The following NCKAP5 variants were observed in gnomAD, a reference collection of about 807,000 sequenced individuals.
NCKAP5 encodes nck-associated protein 5.
Under a neutral mutation model 167.0 loss-of-function variants are expected in NCKAP5, and 92 were observed. The observed-to-expected ratio is 0.55, with a 90% CI of 0.47 to 0.66. The LOEUF is 0.66. NCKAP5 is among the 30% of genes least tolerant of loss of function. The probability of loss-of-function intolerance (pLI) is 0.00; values close to 1 mark genes in which losing one functional copy is unlikely to be tolerated. For missense variants in NCKAP5, 2,378 were observed against 2,315.0 expected (o/e 1.03, Z -0.56); for synonymous variants, 891 against 877.4 (o/e 1.02, Z -0.27).
chr2:133,042,243 G>T (rs1224116987), intron 6 of NCKAP5, among the ~76,000 whole-genome samples: 2 of 152,094 alleles, frequency 1.3e-5, no homozygotes, highest in Non-Finnish European at 2.9e-5. Context: ...ACAGTGAAAT[G>T]GCAAGGTATA....
At chr2:133,412,219 C>A (rs1035528081) in intron 3 of NCKAP5, among the ~76,000 whole-genome samples, 4 of 152,160 alleles carry the variant, frequency 2.6e-5, no homozygotes, top group African/African-American at 9.7e-5. Flanking sequence ...TAGAAAGGGA[C>A]CGCAGAGAGC....
intron 3 of NCKAP5, among the ~76,000 whole-genome samples, chr2:133,367,659 T>C (rs1189029097): frequency 1.3e-5 from 2 of 152,060 alleles, no homozygotes; most frequent in Non-Finnish European, 2.9e-5. Flanking sequence ...ATAGTTAATA[T>C]AGAACCTATA....
At chr2:132,914,232 T>C (rs531883571) in intron 8 of NCKAP5, among the ~76,000 whole-genome samples, 1 of 152,298 alleles carries the variant, frequency 6.6e-6, no homozygotes, top group Middle Eastern at 3.4e-3. Context: ...AGAAACTTTA[T>C]AATAAAATTT....
At chr2:133,313,753 TAA>T (rs987258351) in intron 3 of NCKAP5, among the ~76,000 whole-genome samples, 4 of 152,190 alleles carry the variant, frequency 2.6e-5, no homozygotes, top group African/African-American at 9.7e-5. Context: ...TGTATGTTTT[TAA>T]AAAGTCACCA....
intron 11 of NCKAP5, among the ~76,000 whole-genome samples, chr2:132,850,494 T>A (rs1039457514): frequency 6.6e-6 from 1 of 151,918 alleles, no homozygotes; most frequent in South Asian, 2.1e-4. Flanking sequence ...ATCTCCCTGT[T>A]TGTAAAACAG....
intron 8 of NCKAP5, among the ~76,000 whole-genome samples, chr2:132,950,671 C>A (rs72994864): frequency 0.024 from 3,645 of 152,130 alleles, 143 homozygotes; most frequent in African/African-American, 0.082. Context: ...TCCAAGGAAC[C>A]CATTTTATCA....
At chr2:133,122,466 G>A (rs1336903525) in intron 6 of NCKAP5, 1 of 152,086 alleles carries the variant, frequency 6.6e-6, no homozygotes, top group African/African-American at 2.4e-5. Context: ...AACAATTCTG[G>A]TTGTCATAAA....
intron 6 of NCKAP5, among the ~76,000 whole-genome samples, chr2:133,077,306 A>G (rs1006941205): frequency 6.6e-6 from 1 of 152,310 alleles, no homozygotes; most frequent in East Asian, 1.9e-4. Context: ...TGTTTGAGCT[A>G]AGTCCAACTG....
At position 132,784,292 on chromosome 2, in the gene NCKAP5, G is replaced by T. The variant is rs1401077651; in HGVS notation, c.2519C>A (p.Ala840Asp). The T allele has an allele frequency of 6.2e-7, 1 of 1,613,852 alleles. No homozygotes were observed. Among genetic ancestry groups the T allele is most frequent in the Non-Finnish European group, 8.5e-7 (1 of 1,179,840 alleles). ...LVTLEKSPAL[A>D]PGKLSRFMKT... is the part of the protein sequence containing the mutation. ...CATGAATCGTGAGAGTTTCCCAGGAGCTAAGGCTGGTGATTTTTCAAGAGT... is the reference window on the plus strand; with the variant it reads ...CATGAATCGTGAGAGTTTCCCAGGATCTAAGGCTGGTGATTTTTCAAGAGT... The change falls in exon 14 of 20, where the codon GCT becomes GAT. Residue 840 changes from alanine to aspartate, a missense_variant. Physicochemically the swap from Ala to Asp is moderately radical, Grantham distance 126. Around this residue, in one of 3 missense-constraint regions of NCKAP5, gnomAD observed 1,049 missense variants for 1,023.4 expected, o/e 1.02. Transcript: ENST00000409261.
chr2:133,512,815 A>C (rs552309456), intron 3 of NCKAP5, among the ~76,000 whole-genome samples: 2 of 152,152 alleles, frequency 1.3e-5, no homozygotes, highest in African/African-American at 4.8e-5. Flanking sequence ...GCAGTTACCA[A>C]ATTCCCTCTG....
chr2:132,832,680 T>G (rs1485757655), intron 11 of NCKAP5, among the ~76,000 whole-genome samples: 5 of 152,186 alleles, frequency 3.3e-5, no homozygotes, highest in African/African-American at 9.6e-5. Flanking sequence ...CCATTCCTGT[T>G]GCTGGAGAAG....
At chr2:133,391,938 C>T (rs1687438611) in intron 3 of NCKAP5, among the ~76,000 whole-genome samples, 1 of 152,214 alleles carries the variant, frequency 6.6e-6, no homozygotes, top group South Asian at 2.1e-4. Context: ...GCTATCACAG[C>T]AACACAGCAG....
intron 3 of NCKAP5, among the ~76,000 whole-genome samples, chr2:133,507,991 C>T (rs1683161636): frequency 6.6e-6 from 1 of 152,046 alleles, no homozygotes; most frequent in African/African-American, 2.4e-5. Flanking sequence ...ACAGCATACA[C>T]CGATCAATGA....
At chr2:133,609,205 T>C in the NCKAP5 span, among the ~76,000 whole-genome samples, 51 of 152,316 alleles carry the variant, frequency 3.3e-4, no homozygotes, top group African/African-American at 1.0e-3. Context: ...CTTTGTGGGA[T>C]TTTTTAATTA....
the NCKAP5 span, among the ~76,000 whole-genome samples, chr2:133,650,713 G>A: frequency 1.3e-5 from 2 of 149,736 alleles, no homozygotes; most frequent in Non-Finnish European, 3.0e-5. Context: ...CATCTCTGGA[G>A]CGAGAAAAAA....
intron 11 of NCKAP5, among the ~76,000 whole-genome samples, chr2:132,799,350 C>T (rs796132280): frequency 2.2e-4 from 33 of 152,090 alleles, no homozygotes; most frequent in African/African-American, 7.2e-4. Context: ...CAGCATCATG[C>T]GATATACCCA....
the NCKAP5 span, among the ~76,000 whole-genome samples, chr2:133,615,237 T>G: frequency 9.9e-5 from 15 of 152,046 alleles, no homozygotes; most frequent in South Asian, 2.9e-3. Context: ...AGAAACTGCA[T>G]CAACTAATGA....
At chr2:133,100,778 G>A (rs1294490080) in intron 6 of NCKAP5, among the ~76,000 whole-genome samples, 1 of 151,568 alleles carries the variant, frequency 6.6e-6, no homozygotes, top group African/African-American at 2.4e-5. Context: ...AAAAACTTTT[G>A]TCTCAAAATA....
At chr2:133,139,759 A>C (rs2082928566) in intron 5 of NCKAP5, among the ~76,000 whole-genome samples, 1 of 152,154 alleles carries the variant, frequency 6.6e-6, no homozygotes, top group African/African-American at 2.4e-5. Context: ...GGGTTGGAAA[A>C]GGCCTTTCCA....
Sources: allele counts gnomAD v4.1 joint callset (sites outside exome capture counted in the v4.1 genomes callset), GRCh38; gene constraint gnomAD v4.1.1; regional missense constraint gnomAD v4.1.1; transcripts MANE v1.5; gene names NCBI Gene and HGNC (gene_info 2026-07-23, HGNC 2026-07-21).